Variants in COPS9 observed in about 807,000 individuals in gnomAD.
COPS9 encodes the protein COP9 signalosome complex subunit 9.
In COPS9, 8 loss-of-function variants were observed where a neutral mutation model predicts 7.2. The observed-to-expected ratio is 1.11, with a 90% CI of 0.65 to 2.00. COPS9 has a LOEUF of 2.00. Ranked by LOEUF, COPS9 falls within the 30% of genes most tolerant of loss-of-function variation. The pLI, the probability that COPS9 is intolerant of heterozygous loss-of-function variation, is 0.00. For synonymous variants in COPS9, 39 were observed against 28.7 expected, an observed-to-expected ratio of 1.36 and a Z score of -1.14; for missense variants, 74 against 77.7, an observed-to-expected ratio of 0.95 and a Z score of 0.18.
At chr2:240,126,576 A>G (rs1037940513), downstream of COPS9, 4 of 1,613,876 alleles carry the variant, frequency 2.5e-6, no homozygotes, top group Non-Finnish European at 2.5e-6. Context: ...CCTCACATCT[A>G]TGCATGGCTG....
At chr2:240,126,583 G>C, downstream of COPS9, 1 of 1,613,996 alleles carries the variant, frequency 6.2e-7, no homozygotes, top group Middle Eastern at 1.7e-4. Flanking sequence ...TCTATGCATG[G>C]CTGTGTGGTC....
chr2:240,133,927 C>G lies in COPS9; in HGVS notation c.136+6G>C. 1 of 1,613,982 alleles carries G rather than the reference C, an allele frequency of 6.2e-7. No homozygotes were observed. Among genetic ancestry groups the G allele is most frequent in the Non-Finnish European group, 8.5e-7 (1 of 1,179,868 alleles). ...AAATCTGGCATCCCATTCCAAGCAT[C>G]CTTACCGTTAAAAAAGTCTGCATGA... On this transcript the variant is annotated splice_donor_region_variant and intron_variant, in intron 2 of 2. Transcript: ENST00000607357.
chr2:240,135,432 C>A (rs763500805), intron 1 of COPS9, among the ~76,000 whole-genome samples: 4 of 152,182 alleles, frequency 2.6e-5, no homozygotes, highest in Admixed American at 6.5e-5. Context: ...CCTCCACAAG[C>A]ACAAGGGCTG....
chr2:240,133,766 G>A lies in COPS9; in HGVS notation c.136+167C>T, dbSNP rs537373673. On this transcript the variant is annotated intron_variant, in intron 2 of 2. Coordinates refer to ENST00000607357, the MANE Select transcript of COPS9 (RefSeq NM_001163424.2). ...AAAATAAGGCTGCCTGCCAGTGGCC[G>A]CAGCCCGTGTCATCGCTCCACAGAG... Among the ~76,000 whole-genome samples the A allele has an allele frequency of 1.5e-4, 23 of 152,288 alleles. No homozygotes were observed. The South Asian group carries it at 3.1e-3, about 21-fold the overall frequency.
At chr2:240,135,178 CACA>C (rs1425530256) in intron 1 of COPS9, among the ~76,000 whole-genome samples, 1 of 152,136 alleles carries the variant, frequency 6.6e-6, no homozygotes, top group Non-Finnish European at 1.5e-5. Context: ...TGTTAAACGA[CACA>C]ACATTCCCTT....
chr2:240,130,114 AC>A, downstream of COPS9: 4 of 1,090,178 alleles, frequency 3.7e-6, no homozygotes, highest in Non-Finnish European at 5.4e-6. Context: ...GGCAGAGCTG[AC>A]ATTCGGTTCT....
intron 2 of COPS9, among the ~76,000 whole-genome samples, chr2:240,133,507 G>A (rs1460018839): frequency 6.6e-6 from 1 of 152,204 alleles, no homozygotes; most frequent in African/African-American, 2.4e-5. Flanking sequence ...GCAGCTGAGG[G>A]CATGAGAACC....
At position 240,130,907 on chromosome 2, in the gene COPS9, G is replaced by A; in HGVS notation, c.*144C>T. ...TGAACAGAATCATCTAGGTCGTTAA[G>A]AACAGTCTTATCTTTCTGGTTAACC... On this transcript the variant is annotated 3_prime_UTR_variant, in exon 3 of 3. Coordinates refer to ENST00000607357, the MANE Select transcript of COPS9 (RefSeq NM_001163424.2). 1.4e-6 allele frequency: 2 copies of A among 1,460,936 alleles called. No individual in the cohort carries two copies. Among genetic ancestry groups the A allele is most frequent in the South Asian group, 1.5e-5 (1 of 68,496 alleles). 90.5% of individuals were successfully genotyped at this position (1,460,936 alleles called of 1,614,324 possible).
At chr2:240,131,235 T>C (rs2071919191) in intron 2 of COPS9, 147 bp from the exon 3 acceptor site, 1 of 988,582 alleles carries the variant, frequency 1.0e-6, no homozygotes, top group African/African-American at 1.6e-5. Flanking sequence ...TAACAGACTT[T>C]CAGTTTCAGC....
At chr2:240,127,803 T>C (rs1031576572), downstream of COPS9, among the ~76,000 whole-genome samples, 8 of 152,224 alleles carry the variant, frequency 5.3e-5, no homozygotes, top group East Asian at 3.9e-4. Flanking sequence ...ACTTAAGAAA[T>C]GCCTGCTGAG....
downstream of COPS9, chr2:240,126,612 C>G: frequency 6.2e-7 from 1 of 1,614,208 alleles, no homozygotes; most frequent in South Asian, 1.1e-5. Flanking sequence ...TTCTTCTCCA[C>G]CAGCAACGGA....
downstream of COPS9, among the ~76,000 whole-genome samples, chr2:240,127,459 A>G (rs1489997034): frequency 6.6e-6 from 1 of 152,174 alleles, no homozygotes; most frequent in East Asian, 1.9e-4. Context: ...CACTGCCCAC[A>G]TCGGGCCATG....
downstream of COPS9, chr2:240,126,784 C>T (rs74526284): frequency 0.014 from 22,348 of 1,614,224 alleles, 325 homozygotes; most frequent in East Asian, 0.07. Context: ...CTTAAGCGTC[C>T]TGTGCCCATT....
At chr2:240,130,059 C>T, downstream of COPS9, 1 of 1,562,584 alleles carries the variant, frequency 6.4e-7, no homozygotes. Context: ...GGAGCTCCAT[C>T]AGGATGACAG....
rs778032765 is a variant in COPS9, at chr2:240,134,000, T to C, written c.69A>G (p.Gly23=). The C allele has an allele frequency of 2.7e-5, 43 of 1,613,914 alleles. No homozygotes were observed. Among genetic ancestry groups the C allele is most frequent in the Non-Finnish European group, 3.5e-5 (41 of 1,180,012 alleles). Residue 23 remains glycine (G), a synonymous_variant, in exon 2 of 3, where the codon GGA becomes GGG. Transcript: ENST00000607357. The part of the protein sequence containing the change: ...AGPYVDLDEA[G]GSTGLLMDLA... ...AGTCCATCAAGAGCCCGGTGCTGCC[T>C]CCCGCCTGGGGAATGGAAAGGCAAG...
At chr2:240,134,176 G>A (rs913895213) in intron 1 of COPS9, 171 bp from the exon 2 acceptor site, 20 of 603,054 alleles carry the variant, frequency 3.3e-5, no homozygotes, top group Non-Finnish European at 5.9e-5. Context: ...TGGGGGGAGG[G>A]GGAGGAATTC....
chr2:240,130,163 T>G, downstream of COPS9: 1 of 668,210 alleles, frequency 1.5e-6, no homozygotes, highest in Admixed American at 2.8e-5. Flanking sequence ...CAAATGTCTC[T>G]TCTGTAAACA....
chr2:240,134,608 C>T (rs552376828), intron 1 of COPS9, among the ~76,000 whole-genome samples: 2 of 152,308 alleles, frequency 1.3e-5, no homozygotes, highest in Non-Finnish European at 2.9e-5. Flanking sequence ...GACAGCAGCA[C>T]CCTGGACAGC....
At chr2:240,129,966 T>G, downstream of COPS9, 1 of 1,614,022 alleles carries the variant, frequency 6.2e-7, no homozygotes, top group Non-Finnish European at 8.5e-7. Flanking sequence ...GTGCTCCGAC[T>G]GCCCTCGCTG....
Sources: allele counts gnomAD v4.1 joint callset (sites outside exome capture counted in the v4.1 genomes callset), GRCh38; gene constraint gnomAD v4.1.1; transcripts MANE v1.5; gene names NCBI Gene and HGNC (gene_info 2026-07-23, HGNC 2026-07-21).